The following ARHGEF33 variants were observed in gnomAD, a reference collection of about 807,000 sequenced individuals.
The protein encoded by ARHGEF33 is Rho guanine nucleotide exchange factor 33, also known as DH and coiled-coil domain-containing protein ENSP00000381780.
Under a neutral mutation model 101.9 loss-of-function variants are expected in ARHGEF33, and 72 were observed. The observed-to-expected ratio is 0.71, with a 90% confidence interval of 0.58 to 0.86. The LOEUF is 0.86. Among genes scored for constraint, ARHGEF33 ranks in the 40% least tolerant of loss-of-function variants. ARHGEF33 has a pLI of 0.00. For synonymous variants in ARHGEF33, 499 were observed against 442.5 expected, an observed-to-expected ratio of 1.13 and a Z score of -1.60; for missense variants, 1,169 against 1,111.3, an observed-to-expected ratio of 1.05 and a Z score of -0.74.
chr2:38,950,210 A>G (rs1225148609), intron 10 of ARHGEF33, among the ~76,000 whole-genome samples: 1 of 152,312 alleles, frequency 6.6e-6, no homozygotes, highest in South Asian at 2.1e-4. Flanking sequence ...TTAGTTGCCA[A>G]CTTTAAACAA....
chr2:38,940,804 C>A (rs1167396357), intron 9 of ARHGEF33, among the ~76,000 whole-genome samples: 1 of 152,188 alleles, frequency 6.6e-6, no homozygotes, highest in Non-Finnish European at 1.5e-5. Flanking sequence ...TCAAATCAAT[C>A]TCCCTGAAAA....
At chr2:38,922,961 C>A (rs1299333164) in intron 4 of ARHGEF33, among the ~76,000 whole-genome samples, 1 of 152,166 alleles carries the variant, frequency 6.6e-6, no homozygotes, top group Admixed American at 6.5e-5. Context: ...TGGTCCAAGT[C>A]CTCCAGACGC....
chr2:38,954,811 T>C (rs913139769), intron 13 of ARHGEF33, among the ~76,000 whole-genome samples: 4 of 151,992 alleles, frequency 2.6e-5, no homozygotes, highest in Admixed American at 2.6e-4. Context: ...TTTTTGTATT[T>C]TTAGTAGAGA....
chr2:38,956,350 C>T (rs921121193), intron 13 of ARHGEF33, among the ~76,000 whole-genome samples: 21 of 152,230 alleles, frequency 1.4e-4, no homozygotes, highest in Middle Eastern at 6.8e-3. Context: ...AAGCACGTTG[C>T]GGTAACAATT....
chr2:38,941,806 A>G (rs1271443089), intron 9 of ARHGEF33, among the ~76,000 whole-genome samples: 2 of 152,006 alleles, frequency 1.3e-5, no homozygotes, highest in Non-Finnish European at 2.9e-5. Context: ...CGGCCTCCCA[A>G]AGTGCTGGGA....
intron 13 of ARHGEF33, among the ~76,000 whole-genome samples, chr2:38,954,874 T>G (rs2124417212): frequency 6.6e-6 from 1 of 152,296 alleles, no homozygotes; most frequent in African/African-American, 2.4e-5. Flanking sequence ...CCTCAAGTGA[T>G]CTGCCCGCCT....
chr2:38,938,048 T>A (rs1667195479), intron 9 of ARHGEF33, among the ~76,000 whole-genome samples: 1 of 152,122 alleles, frequency 6.6e-6, no homozygotes, highest in African/African-American at 2.4e-5. Context: ...TTTTAAAAAT[T>A]ATTTTGAATT....
At chr2:38,958,970 C>G (rs1667844499) in intron 15 of ARHGEF33, among the ~76,000 whole-genome samples, 1 of 152,226 alleles carries the variant, frequency 6.6e-6, no homozygotes. Context: ...GTCTCAAACT[C>G]CTGACCTCAG....
chr2:38,897,428 A>T (rs1447887085), intron 2 of ARHGEF33, among the ~76,000 whole-genome samples: 1 of 152,212 alleles, frequency 6.6e-6, no homozygotes, highest in African/African-American at 2.4e-5. Flanking sequence ...TCATTCAGCT[A>T]ATATTAGGCA....
intron 17 of ARHGEF33, among the ~76,000 whole-genome samples, chr2:38,968,699 G>A (rs932675879): frequency 2.6e-5 from 4 of 152,202 alleles, no homozygotes; most frequent in African/African-American, 9.7e-5. Flanking sequence ...TACTGGTGCT[G>A]TCCTTTGTAT....
intron 15 of ARHGEF33, 64 bp from the exon 16 acceptor site, chr2:38,959,777 G>C (rs1667865762): frequency 2.8e-6 from 4 of 1,447,532 alleles, no homozygotes; most frequent in Admixed American, 2.7e-5. Flanking sequence ...GGCGCCGGCA[G>C]GCGAGAGGCC....
At chr2:38,955,897 G>C (rs1572774663) in intron 13 of ARHGEF33, among the ~76,000 whole-genome samples, 2 of 151,860 alleles carry the variant, frequency 1.3e-5, no homozygotes, top group Non-Finnish European at 2.9e-5. Context: ...GGATGGTCTC[G>C]ATCTCCTGGT....
chr2:38,957,883 A>C, intron 14 of ARHGEF33, 151 bp from the exon 15 acceptor site: 1 of 935,526 alleles, frequency 1.1e-6, no homozygotes, highest in South Asian at 1.7e-5. Context: ...CCTATTAAGC[A>C]AAGCAACTTA....
At chr2:38,914,664 C>CA (rs199737558) in intron 2 of ARHGEF33, among the ~76,000 whole-genome samples, 138 of 95,784 alleles carry the variant, frequency 1.4e-3, no homozygotes, top group African/African-American at 1.9e-3. Context: ...GACTCCATCT[C>CA]AAAAAAAAAA....
chr2:38,935,373 G>A (rs768242137), intron 7 of ARHGEF33, among the ~76,000 whole-genome samples: 1 of 151,084 alleles, frequency 6.6e-6, no homozygotes, highest in Non-Finnish European at 1.5e-5. Flanking sequence ...GGGGGGAGGG[G>A]GTGGGGGGTA....
chr2:38,935,984 T>C (rs1458788273), intron 8 of ARHGEF33, 150 bp downstream of exon 8: 1 of 703,920 alleles, frequency 1.4e-6, no homozygotes, highest in African/African-American at 1.8e-5. Context: ...TTCCAAGATG[T>C]GTACTAGAGC....
chr2:38,949,891 C>T (rs1029617262), intron 10 of ARHGEF33, among the ~76,000 whole-genome samples: 9 of 152,232 alleles, frequency 5.9e-5, no homozygotes, highest in Middle Eastern at 3.4e-3. Context: ...AGACGGGAGG[C>T]GCTACGCACT....
chr2:38,943,870 A>G, intron 9 of ARHGEF33, 31 bp from the exon 10 acceptor site: 1 of 1,545,290 alleles, frequency 6.5e-7, no homozygotes, highest in Non-Finnish European at 8.7e-7. Context: ...GAAATGGTTA[A>G]TATCAAGTCC....
rs1012444414 is a variant in ARHGEF33 at position 38,960,555 on chromosome 2, C to T, written c.2250C>T (p.Ala750=). The change falls in exon 16 of 18, where the codon GCC becomes GCT. Residue 750 remains alanine, a synonymous_variant. Coordinates refer to ENST00000409978, the MANE Select transcript of ARHGEF33 (RefSeq NM_001145451.5). ...AERAAQAHGP[A]AAAVAARGAS... ...GCGCCGCGCAGGCGCACGGCCCGGC[C>T]GCCGCCGCCGTCGCCGCCCGCGGCG... 5 of 1,268,352 alleles carry T rather than the reference C, an allele frequency of 3.9e-6. No homozygotes were observed. Among genetic ancestry groups the T allele is most frequent in the Non-Finnish European group, 5.0e-6 (5 of 992,206 alleles). 78.6% of individuals were successfully genotyped at this position (1,268,352 alleles called of 1,614,324 possible).
Sources: gnomAD v4.1 joint callset for allele counts (sites outside exome capture counted in the v4.1 genomes callset) on GRCh38, gnomAD v4.1.1 for gene constraint, MANE v1.5 for transcripts, NCBI Gene and HGNC (gene_info 2026-07-23, HGNC 2026-07-21) for gene names.